Variants in LIG1 observed in about 807,000 individuals in gnomAD.
LIG1 encodes the protein ligase I, DNA, ATP-dependent.
A neutral mutation model predicts 115.7 loss-of-function variants in LIG1; 70 were observed. That is an observed-to-expected ratio of 0.60 (90% CI 0.50 to 0.74). LIG1 has a LOEUF of 0.74. Among genes scored for constraint, LIG1 ranks in the 30% least tolerant of loss-of-function variants. The probability of loss-of-function intolerance (pLI) is 0.00; values close to 1 mark genes in which losing one functional copy is unlikely to be tolerated. For missense variants in LIG1, 1,115 were observed against 1,225.6 expected (o/e 0.91, Z 1.35); for synonymous variants, 487 against 495.3 (o/e 0.98, Z 0.22).
intron 4 of LIG1, among the ~76,000 whole-genome samples, 178 bp from the exon 5 acceptor site, chr19:48,157,318 C>T (rs2035914496): frequency 6.6e-6 from 1 of 152,144 alleles, no homozygotes; most frequent in African/African-American, 2.4e-5. Flanking sequence ...CCCTCCAGTG[C>T]AGGATCATGG....
chr19:48,132,867 G>A (rs534988155), intron 18 of LIG1, 115 bp downstream of exon 18: 15 of 764,984 alleles, frequency 2.0e-5, no homozygotes, highest in Non-Finnish European at 2.9e-5. Context: ...AGAGATGAGC[G>A]AGGGCTCGGC....
Position 48,137,178 on chromosome 19 carries a change from ACCTGCCCT to A in LIG1, c.1255-102_1255-95del. On this transcript the variant is annotated intron_variant, in intron 13 of 27. Coordinates refer to ENST00000263274, the MANE Select transcript of LIG1 (RefSeq NM_000234.3). This position sits in a 1 kb window ranked among gnomAD's most constrained non-coding sequence, Gnocchi z 4.3. ...GTGCTGCTGCCCTGCATTTTGGAAT[ACCTGCCCT>A]CCTTCCCTCACCCCATCCCCATGTC... The A allele has an allele frequency of 9.4e-7, 1 of 1,064,450 alleles. No individual in the cohort carries two copies. Among genetic ancestry groups the A allele is most frequent in the Non-Finnish European group, 1.4e-6 (1 of 702,876 alleles). The allele number at this position is 1,064,450 out of a possible 1,614,324, so 65.9% of individuals were successfully genotyped here.
At chr19:48,164,136 T>C (rs2036347783) in intron 2 of LIG1, among the ~76,000 whole-genome samples, 1 of 152,164 alleles carries the variant, frequency 6.6e-6, no homozygotes, top group Admixed American at 6.6e-5. Context: ...GACCTCTCTG[T>C]ACTGTCTTTG....
chr19:48,121,742 A>G (rs1287380544), intron 23 of LIG1, among the ~76,000 whole-genome samples: 1 of 152,228 alleles, frequency 6.6e-6, no homozygotes, highest in Non-Finnish European at 1.5e-5. Context: ...CGGAGGTTGC[A>G]GTGAGCCAAG....
chr19:48,162,004 C>CCAGT (rs2036209214), intron 3 of LIG1, among the ~76,000 whole-genome samples: 1 of 146,558 alleles, frequency 6.8e-6, no homozygotes, highest in African/African-American at 2.7e-5. Flanking sequence ...CAGTGGCCAG[C>CCAGT]GGCCAGCTTC....
rs200847147 is a variant in LIG1, at chr19:48,127,366, G to A, written c.1933-18C>T. ...TCCACCTCCTGGGTTGGGGCACAAC[G>A]GAGTTCGTGAGTGCAGGAAGGTGAG... On this transcript the variant is annotated intron_variant, in intron 20 of 27. Coordinates refer to ENST00000263274, the MANE Select transcript of LIG1 (RefSeq NM_000234.3). 609 of 1,610,076 alleles carry A rather than the reference G, an allele frequency of 3.8e-4. 3 individuals are homozygous for A. The Admixed American group carries it at 5.1e-3, about 13-fold the overall frequency.
chr19:48,162,150 G>T, intron 3 of LIG1, 112 bp downstream of exon 3: 1 of 1,008,050 alleles, frequency 9.9e-7, no homozygotes, highest in Non-Finnish European at 1.6e-6. Context: ...CCACCTGGCT[G>T]AAAAAGTTTT....
At chr19:48,136,265 C>T in intron 14 of LIG1, 140 bp from the exon 15 acceptor site, 2 of 651,820 alleles carry the variant, frequency 3.1e-6, no homozygotes, top group Admixed American at 2.4e-5. Context: ...CTGGAAGGGA[C>T]CCCAGATATC....
intron 2 of LIG1, among the ~76,000 whole-genome samples, chr19:48,162,911 C>T (rs2036264342): frequency 2.9e-5 from 4 of 136,200 alleles, no homozygotes; most frequent in African/African-American, 8.5e-5. Context: ...ATTAACTATG[C>T]ACTTTTTAAA....
At chr19:48,157,191 A>AT in intron 4 of LIG1, 51 bp from the exon 5 acceptor site, 1 of 1,559,646 alleles carries the variant, frequency 6.4e-7, no homozygotes, top group Middle Eastern at 1.8e-4. Flanking sequence ...GAGGGACTCC[A>AT]TTTTCCAAAA....
rs1371317271 is a variant in LIG1 at position 48,123,291 on chromosome 19, G to A, written c.2032C>T (p.Arg678Cys). 4.3e-6 allele frequency: 7 copies of A among 1,613,832 alleles called. No homozygotes were observed. The highest frequency in any genetic ancestry group is 1.7e-5 in the Admixed American group (1 of 60,022). The stretch of plus-strand genomic sequence containing the variant: ...AAGTTCTCCCGGAGCAGCTGCCGGC[G>A]CCGGGAAAGGGGCTCACGTACCAGG... The part of the protein sequence containing the change: ...ESLVREPLSR[R>C]RQLLRENFVE... The change falls in exon 22 of 28, where the codon CGC (arginine) becomes TGC (cysteine). Residue 678 changes from arginine (R) to cysteine (C), a missense_variant. Physicochemically the swap from Arg to Cys is radical, Grantham distance 180 (BLOSUM62 -3). Coordinates refer to ENST00000263274, the MANE Select transcript of LIG1 (RefSeq NM_000234.3).
intron 1 of LIG1, among the ~76,000 whole-genome samples, chr19:48,166,143 T>C (rs2036470004): frequency 6.6e-6 from 1 of 151,664 alleles, no homozygotes; most frequent in East Asian, 1.9e-4. Flanking sequence ...ACGCCTGTCA[T>C]CCCAGCACTT....
chr19:48,146,460 T>G (rs1490433363), intron 9 of LIG1, among the ~76,000 whole-genome samples: 2 of 152,250 alleles, frequency 1.3e-5, no homozygotes, highest in African/African-American at 2.4e-5. Flanking sequence ...AGAAATTCTT[T>G]CAGCTTTAAC....
intron 12 of LIG1, among the ~76,000 whole-genome samples, chr19:48,139,065 C>T (rs2034573818): frequency 6.6e-6 from 1 of 152,196 alleles, no homozygotes; most frequent in African/African-American, 2.4e-5. Context: ...GCTCCCAGCA[C>T]ATCCTCTCCC....
Position 48,143,930 on chromosome 19 carries a change from C to T in LIG1, c.810G>A (p.Lys270=). ...PLDPSGYNPA[K]NNYHPVEDAC... is the part of the protein sequence containing the mutation. ...CATCTTCCACGGGATGATAGTTGTT[C>T]TTGGCAGGATTGTAACCAGATGGAT... The change falls in exon 10 of 28, where the codon AAG becomes AAA. Residue 270 remains lysine (K), a synonymous_variant. Transcript: ENST00000263274. The T allele has an allele frequency of 6.2e-7, 1 of 1,614,072 alleles. No individual in the cohort carries two copies. The highest frequency in any genetic ancestry group is 8.5e-7 in the Non-Finnish European group (1 of 1,179,982).
intron 6 of LIG1, among the ~76,000 whole-genome samples, chr19:48,152,623 A>G (rs536369057): frequency 2.6e-5 from 4 of 152,264 alleles, no homozygotes; most frequent in East Asian, 1.9e-4. Context: ...GCGCTGCAAG[A>G]TATTTTAGAT....
intron 21 of LIG1, 45 bp downstream of exon 21, chr19:48,127,231 AC>A (rs2033727899): frequency 6.6e-7 from 1 of 1,511,236 alleles, no homozygotes; most frequent in East Asian, 2.3e-5. Flanking sequence ...CTCACACCCC[AC>A]CCCGTCACCC....
intron 19 of LIG1, among the ~76,000 whole-genome samples, chr19:48,128,913 C>T (rs887208895): frequency 2.0e-5 from 3 of 152,150 alleles, no homozygotes; most frequent in Non-Finnish European, 1.5e-5. Context: ...CAGGCACATG[C>T]CACCATGCCT....
At position 48,151,226 on chromosome 19, in the gene LIG1, A is replaced by G; in HGVS notation, c.574+6T>C. The G allele has an allele frequency of 6.3e-7, 1 of 1,599,022 alleles. No homozygotes were observed. Among genetic ancestry groups the G allele is most frequent in the Non-Finnish European group, 8.6e-7 (1 of 1,166,564 alleles). On this transcript the variant is annotated splice_donor_region_variant and intron_variant, in intron 7 of 27. Coordinates refer to ENST00000263274, the MANE Select transcript of LIG1 (RefSeq NM_000234.3). The stretch of plus-strand genomic sequence containing the variant: ...GGCAGGGCGGAGGAGAGGACCAGAA[A>G]CTCACTGGAGGTCTTTAGGGGCTTG...
Sources: allele counts gnomAD v4.1 joint callset (sites outside exome capture counted in the v4.1 genomes callset), GRCh38; gene constraint gnomAD v4.1.1; non-coding constraint Gnocchi (gnomAD v3.1); transcripts MANE v1.5; gene names NCBI Gene and HGNC (gene_info 2026-07-23, HGNC 2026-07-21).